Variants in ATXN7L1 observed in about 807,000 individuals in gnomAD.
ATXN7L1 encodes the protein ataxin-7-like protein 1.
In ATXN7L1, 15 loss-of-function variants were observed where a neutral mutation model predicts 70.8. The observed-to-expected ratio is 0.21, with a 90% CI of 0.14 to 0.33. ATXN7L1 has a LOEUF of 0.33. Ranked by LOEUF, ATXN7L1 falls within the 10% of genes least tolerant of loss-of-function variation. ATXN7L1 has a pLI of 1.00. For missense variants in ATXN7L1, 975 were observed against 1,097.1 expected, an observed-to-expected ratio of 0.89 and a Z score of 1.57; for synonymous variants, 440 against 445.1, an observed-to-expected ratio of 0.99 and a Z score of 0.14.
At chr7:105,755,083 T>G (rs973208548) in intron 3 of ATXN7L1, among the ~76,000 whole-genome samples, 11 of 152,228 alleles carry the variant, frequency 7.2e-5, no homozygotes, top group Non-Finnish European at 1.5e-4. Flanking sequence ...CAACCTCTTT[T>G]TTGGGTCTTC....
chr7:105,658,690 C>T (rs1801087348), intron 4 of ATXN7L1, among the ~76,000 whole-genome samples: 1 of 151,944 alleles, frequency 6.6e-6, no homozygotes, highest in Non-Finnish European at 1.5e-5. Context: ...GCCACCATGC[C>T]TGGTTATTTT....
At chr7:105,612,487 G>A (rs539133919) in intron 10 of ATXN7L1, among the ~76,000 whole-genome samples, 1 of 152,234 alleles carries the variant, frequency 6.6e-6, no homozygotes, top group South Asian at 2.1e-4. Flanking sequence ...ATGTTCACAA[G>A]CCCCCCGGGG....
At chr7:105,686,689 A>G (rs1240126995) in intron 3 of ATXN7L1, among the ~76,000 whole-genome samples, 3 of 152,242 alleles carry the variant, frequency 2.0e-5, no homozygotes, top group Non-Finnish European at 4.4e-5. Flanking sequence ...CATGTAATGT[A>G]TTGCATATCA....
Position 105,624,366 on chromosome 7 carries a change from T to C in ATXN7L1, c.1203-99A>G. 6 of 1,195,246 alleles carry C rather than the reference T, an allele frequency of 5.0e-6. No homozygotes were observed. In the South Asian group the frequency reaches 9.3e-5, roughly 19 times the overall value. 74.0% of individuals were successfully genotyped at this position (1,195,246 alleles called of 1,614,324 possible). A position where few individuals can be genotyped will look rare whatever the true frequency, so the allele number is the denominator to read the frequency against. ...TAATGGTGCTCAGAAAACAGCCTGA[T>C]TAAGGCCAGGTTCGGTGGCTCACGC... On this transcript the variant is annotated intron_variant, in intron 7 of 11. Transcript: ENST00000419735.
intron 3 of ATXN7L1, among the ~76,000 whole-genome samples, chr7:105,737,528 CGTGT>C (rs71520935): frequency 9.4e-4 from 140 of 148,708 alleles, no homozygotes; most frequent in Admixed American, 1.6e-3. Flanking sequence ...CTAACGTCCC[CGTGT>C]GTGTGTGTGT....
intron 3 of ATXN7L1, among the ~76,000 whole-genome samples, chr7:105,667,650 G>T (rs527972439): frequency 0.031 from 2,714 of 86,968 alleles, 299 homozygotes; most frequent in Middle Eastern, 0.049. Flanking sequence ...GGTGAGCCGA[G>T]ATCCCGCCAC....
chr7:105,662,792 A>G (rs1163422965), intron 4 of ATXN7L1, among the ~76,000 whole-genome samples: 1 of 152,184 alleles, frequency 6.6e-6, no homozygotes, highest in Admixed American at 6.5e-5. Flanking sequence ...TGACTTGTCA[A>G]TCTTTATCCC....
chr7:105,862,704 A>G (rs1816818877), intron 2 of ATXN7L1, among the ~76,000 whole-genome samples: 1 of 152,168 alleles, frequency 6.6e-6, no homozygotes, highest in Admixed American at 6.5e-5. Context: ...CTGGTCTGTG[A>G]AACCACTGAG....
At chr7:105,836,070 T>C (rs1812327959) in intron 2 of ATXN7L1, among the ~76,000 whole-genome samples, 1 of 152,124 alleles carries the variant, frequency 6.6e-6, no homozygotes. Flanking sequence ...TGGCACGCGC[T>C]GCATCCCCAG....
intron 3 of ATXN7L1, among the ~76,000 whole-genome samples, chr7:105,782,402 A>C (rs1415346386): frequency 6.6e-6 from 1 of 152,250 alleles, no homozygotes; most frequent in Non-Finnish European, 1.5e-5. Context: ...GGAGAAGTTT[A>C]AAAAGTGTCT....
chr7:105,873,157 AAAAC>A (rs1478644098), intron 2 of ATXN7L1, among the ~76,000 whole-genome samples: 1 of 464 alleles, frequency 2.2e-3, no homozygotes, highest in Non-Finnish European at 3.5e-3. Context: ...CCGTCTCAAA[AAAAC>A]AAAACAAAAC....
intron 3 of ATXN7L1, among the ~76,000 whole-genome samples, chr7:105,764,623 G>A (rs1293396057): frequency 6.6e-6 from 1 of 152,174 alleles, no homozygotes; most frequent in East Asian, 1.9e-4. Flanking sequence ...GTGAACTCTG[G>A]GGCAATGTGG....
At chr7:105,690,219 G>C (rs1052053008) in intron 3 of ATXN7L1, among the ~76,000 whole-genome samples, 1 of 151,994 alleles carries the variant, frequency 6.6e-6, no homozygotes, top group Non-Finnish European at 1.5e-5. Flanking sequence ...TGGTCAGGCT[G>C]GTCTCGAACT....
intron 3 of ATXN7L1, among the ~76,000 whole-genome samples, chr7:105,703,304 T>G (rs1307873534): frequency 1.3e-5 from 1 of 77,882 alleles, no homozygotes; most frequent in Non-Finnish European, 2.2e-5. Context: ...AAACTCCGTC[T>G]CAAAAAAAAA....
chr7:105,864,274 A>G (rs1279653206), intron 2 of ATXN7L1, among the ~76,000 whole-genome samples: 1 of 149,904 alleles, frequency 6.7e-6, no homozygotes, highest in Non-Finnish European at 1.5e-5. Context: ...TGGGGAATAT[A>G]GCAAGACCTT....
chr7:105,622,690 G>A (rs1032046112), intron 8 of ATXN7L1, among the ~76,000 whole-genome samples: 1 of 152,196 alleles, frequency 6.6e-6, no homozygotes, highest in Admixed American at 6.5e-5. Flanking sequence ...TCTCTGCTGC[G>A]AATTGATCCG....
At chr7:105,687,543 C>T (rs1563004082) in intron 3 of ATXN7L1, among the ~76,000 whole-genome samples, 1 of 152,186 alleles carries the variant, frequency 6.6e-6, no homozygotes, top group Non-Finnish European at 1.5e-5. Context: ...AAGAAGGGGC[C>T]TCAGGAGAAA....
chr7:105,707,694 C>G (rs1173602623), intron 3 of ATXN7L1, among the ~76,000 whole-genome samples: 1 of 152,228 alleles, frequency 6.6e-6, no homozygotes, highest in East Asian at 1.9e-4. Context: ...TGACCTCCTG[C>G]AGAGAACTTC....
chr7:105,629,009 C>T (rs2115841331), intron 7 of ATXN7L1, among the ~76,000 whole-genome samples: 1 of 151,886 alleles, frequency 6.6e-6, no homozygotes, highest in South Asian at 2.1e-4. Context: ...CTCTCTGCCT[C>T]CCAAGCTGGA....
Sources: gnomAD v4.1 joint callset for allele counts (sites outside exome capture counted in the v4.1 genomes callset) on GRCh38, gnomAD v4.1.1 for gene constraint, MANE v1.5 for transcripts, NCBI Gene and HGNC (gene_info 2026-07-23, HGNC 2026-07-21) for gene names.